The following B3GAT2 variants were observed in gnomAD, a reference collection of about 807,000 sequenced individuals.
The protein encoded by B3GAT2 is galactosylgalactosylxylosylprotein 3-beta-glucuronosyltransferase 2.
B3GAT2 carries 26 observed loss-of-function variants against 27.8 expected under a neutral mutation model. That is an observed-to-expected ratio of 0.93 (90% confidence interval 0.68 to 1.30). The LOEUF is 1.30. Ranked by LOEUF, B3GAT2 falls within the 50% of genes most tolerant of loss-of-function variation. B3GAT2 has a pLI of 0.00. For missense variants in B3GAT2, 458 were observed against 459.0 expected (o/e 1.00, Z 0.02); for synonymous variants, 218 against 195.1 (o/e 1.12, Z -0.98).
chr6:70,910,768 C>T (rs561301271), intron 1 of B3GAT2, among the ~76,000 whole-genome samples: 18 of 152,270 alleles, frequency 1.2e-4, no homozygotes, highest in African/African-American at 4.1e-4. Context: ...TCCACAATGG[C>T]TGAACTAATT....
chr6:70,862,840 C>T (rs1238446622), intron 2 of B3GAT2, among the ~76,000 whole-genome samples: 1 of 151,912 alleles, frequency 6.6e-6, no homozygotes. Context: ...TGTTGTGGCA[C>T]GTGGTGCGTG....
Position 70,857,200 on chromosome 6 carries a change from T to C in B3GAT2, c.*4463A>G. 1.7e-6 allele frequency: 1 copy of C among 574,808 alleles called. No homozygotes were observed. The highest frequency in any genetic ancestry group is 2.8e-6 in the Non-Finnish European group (1 of 361,958). The allele number at this position is 574,808 out of a possible 1,614,324, so 35.6% of individuals were successfully genotyped here. Reference sequence around the variant, plus strand: ...TGAATGAGCATTAGAATTAAAAAATTAAGAGGCATGTACAGGATTCACAGA... The same window carrying C: ...TGAATGAGCATTAGAATTAAAAAATCAAGAGGCATGTACAGGATTCACAGA... On this transcript the variant is annotated 3_prime_UTR_variant, in exon 4 of 4. Coordinates refer to ENST00000230053, the MANE Select transcript of B3GAT2 (RefSeq NM_080742.3).
At chr6:70,902,328 C>A (rs1240369167) in intron 1 of B3GAT2, among the ~76,000 whole-genome samples, 1 of 150,914 alleles carries the variant, frequency 6.6e-6, no homozygotes, top group Non-Finnish European at 1.5e-5. Flanking sequence ...GAATGGACAT[C>A]CATGCTAAAA....
chr6:70,929,640 A>G (rs191067205), intron 1 of B3GAT2, among the ~76,000 whole-genome samples: 1 of 152,338 alleles, frequency 6.6e-6, no homozygotes, highest in African/African-American at 2.4e-5. Context: ...CTTACAAGGG[A>G]TGTGAAGGAC....
chr6:70,884,555 A>G (rs911318847), intron 2 of B3GAT2, among the ~76,000 whole-genome samples: 2 of 152,152 alleles, frequency 1.3e-5, no homozygotes, highest in African/African-American at 4.8e-5. Flanking sequence ...CATGAGCGCC[A>G]CCTTGTGGAA....
At chr6:70,933,806 T>G (rs778496615) in intron 1 of B3GAT2, among the ~76,000 whole-genome samples, 82 of 152,322 alleles carry the variant, frequency 5.4e-4, no homozygotes, top group Non-Finnish European at 1.1e-3. Flanking sequence ...CATCTTGTCT[T>G]CTGGAGCCTT....
chr6:70,867,672 C>G (rs903122164), intron 2 of B3GAT2, among the ~76,000 whole-genome samples: 1 of 152,100 alleles, frequency 6.6e-6, no homozygotes. Flanking sequence ...TAATTAAAAT[C>G]TTCCACACAC....
At chr6:70,949,121 T>A (rs559812562) in intron 1 of B3GAT2, among the ~76,000 whole-genome samples, 2 of 152,062 alleles carry the variant, frequency 1.3e-5, no homozygotes, top group African/African-American at 4.8e-5. Flanking sequence ...AACCTAGGCA[T>A]TACCATTCAG....
chr6:70,932,031 T>A (rs1773070911), intron 1 of B3GAT2, among the ~76,000 whole-genome samples: 1 of 152,120 alleles, frequency 6.6e-6, no homozygotes, highest in Non-Finnish European at 1.5e-5. Context: ...ACATCACTAA[T>A]TATAGGAGAG....
At chr6:70,951,898 G>A (rs1043155992) in intron 1 of B3GAT2, among the ~76,000 whole-genome samples, 3 of 151,996 alleles carry the variant, frequency 2.0e-5, no homozygotes, top group African/African-American at 7.3e-5. Flanking sequence ...AATCTTCTAG[G>A]TTCCTTCACT....
At position 70,938,018 on chromosome 6, in the gene B3GAT2, A is replaced by G. The variant is rs552178436; in HGVS notation, c.591+17821T>C. Among the ~76,000 whole-genome samples, 1,287 of 151,380 alleles carry G rather than the reference A, an allele frequency of 8.5e-3. 10 individuals carry two copies. The highest frequency in any genetic ancestry group is 0.014 in the African/African-American group (565 of 41,286). On this transcript the variant is annotated intron_variant, in intron 1 of 3. Transcript: ENST00000230053. ...TCTACAAAACCCCATTGTCTCAGCC[A>G]AAAATCTCCTTAAGCTGATAAGCAA...
At position 70,861,828 on chromosome 6, in the gene B3GAT2, AC is replaced by A; in HGVS notation, c.885+1del. ...GTCGGGCAGCACAAGTGTAATGAATACCTTAGTGCAGTTATTTGCTTTCGGT... is the reference window on the plus strand; with the variant it reads ...GTCGGGCAGCACAAGTGTAATGAATACTTAGTGCAGTTATTTGCTTTCGGT... On this transcript the variant is annotated splice_donor_variant, in intron 3 of 3. Coordinates refer to ENST00000230053, the MANE Select transcript of B3GAT2 (RefSeq NM_080742.3). LOFTEE classifies it high-confidence loss of function. 6.2e-7 allele frequency: 1 copy of A among 1,613,922 alleles called. No individual in the cohort carries two copies. The highest frequency in any genetic ancestry group is 8.5e-7 in the Non-Finnish European group (1 of 1,179,934).
intron 1 of B3GAT2, among the ~76,000 whole-genome samples, chr6:70,955,035 G>C (rs1211655263): frequency 6.6e-6 from 1 of 152,106 alleles, no homozygotes; most frequent in Non-Finnish European, 1.5e-5. Flanking sequence ...CCCGCCAAAT[G>C]TGTCCTGGCT....
intron 2 of B3GAT2, among the ~76,000 whole-genome samples, chr6:70,885,469 G>T (rs1772169660): frequency 6.6e-6 from 1 of 151,972 alleles, no homozygotes; most frequent in Non-Finnish European, 1.5e-5. Context: ...TTCTCCTGTT[G>T]ATCACTCTCT....
chr6:70,949,190 C>A lies in B3GAT2; in HGVS notation c.591+6649G>T, dbSNP rs570640823. Among the ~76,000 whole-genome samples, 758 of 151,836 alleles carry A rather than the reference C, an allele frequency of 5.0e-3. 4 individuals are homozygous for A. The highest frequency in any genetic ancestry group is 0.025 in the South Asian group (122 of 4,796). On this transcript the variant is annotated intron_variant, in intron 1 of 3. Transcript: ENST00000230053. ...ACACCAAAAGCATTGGCAACAAAAGCCAAAATTGACAAATGGGATCTAATT... is the reference window on the plus strand; with the variant it reads ...ACACCAAAAGCATTGGCAACAAAAGACAAAATTGACAAATGGGATCTAATT...
intron 1 of B3GAT2, among the ~76,000 whole-genome samples, chr6:70,932,744 T>C (rs758541021): frequency 2.6e-5 from 4 of 152,356 alleles, no homozygotes; most frequent in Non-Finnish European, 4.4e-5. Flanking sequence ...TTCTCCTCAC[T>C]GCTTTTCTTC....
chr6:70,884,191 T>C (rs1411491069), intron 2 of B3GAT2, among the ~76,000 whole-genome samples: 1 of 150,848 alleles, frequency 6.6e-6, no homozygotes, highest in African/African-American at 2.4e-5. Context: ...TAGGTGGAGC[T>C]CAAGTGTGGG....
At position 70,857,123 on chromosome 6, in the gene B3GAT2, C is replaced by T. The variant is rs1219741277; in HGVS notation, c.*4540G>A. On this transcript the variant is annotated 3_prime_UTR_variant, in exon 4 of 4. Transcript: ENST00000230053. ...GATCAATTATATATCTTTTATTGTTCCATGTAGTGAGTGCTTTTGTTGTTG... is the reference window on the plus strand; with the variant it reads ...GATCAATTATATATCTTTTATTGTTTCATGTAGTGAGTGCTTTTGTTGTTG... 8.0e-7 allele frequency: 1 copy of T among 1,247,922 alleles called. No homozygotes were observed. The highest frequency in any genetic ancestry group is 2.6e-5 in the Admixed American group (1 of 38,218). The allele number at this position is 1,247,922 out of a possible 1,614,324, so 77.3% of individuals were successfully genotyped here. A position where few individuals can be genotyped will look rare whatever the true frequency, so the allele number is the denominator to read the frequency against.
intron 1 of B3GAT2, among the ~76,000 whole-genome samples, chr6:70,935,967 A>C (rs527830950): frequency 2.0e-4 from 30 of 151,832 alleles, no homozygotes; most frequent in African/African-American, 6.3e-4. Flanking sequence ...CAAATTGGAT[A>C]AAGAGTCAAG....
Sources: gnomAD v4.1 joint callset for allele counts (sites outside exome capture counted in the v4.1 genomes callset) on GRCh38, gnomAD v4.1.1 for gene constraint, MANE v1.5 for transcripts, NCBI Gene and HGNC (gene_info 2026-07-23, HGNC 2026-07-21) for gene names.